The following KCNS3 variants were observed in gnomAD, a reference collection of about 807,000 sequenced individuals.
KCNS3 encodes the protein delayed-rectifier potassium channel regulatory subunit KCNS3.
KCNS3 carries 13 observed loss-of-function variants against 31.0 expected under a neutral mutation model. That is an observed-to-expected ratio of 0.42 (90% CI 0.27 to 0.67). The LOEUF (loss-of-function observed/expected upper bound fraction) is 0.67, where lower values mean the gene tolerates loss of function less well. Among genes scored for constraint, KCNS3 ranks in the 30% least tolerant of loss-of-function variants. The pLI is 0.25. For synonymous variants in KCNS3, 238 were observed against 241.5 expected (o/e 0.99, Z 0.13); for missense variants, 545 against 622.4 (o/e 0.88, Z 1.32).
intron 1 of KCNS3, among the ~76,000 whole-genome samples, chr2:17,912,928 A>G (rs1395121676): frequency 6.6e-6 from 1 of 152,232 alleles, no homozygotes; most frequent in Non-Finnish European, 1.5e-5. Flanking sequence ...GATTTGCCAT[A>G]TTAACTTAAG....
intron 1 of KCNS3, among the ~76,000 whole-genome samples, chr2:17,908,958 A>C (rs538630266): frequency 6.6e-6 from 1 of 152,176 alleles, no homozygotes; most frequent in Admixed American, 6.5e-5. Flanking sequence ...CAAACTCTGT[A>C]CTGGGAGAAC....
At chr2:17,889,693 T>C (rs983459521) in intron 1 of KCNS3, among the ~76,000 whole-genome samples, 3 of 152,170 alleles carry the variant, frequency 2.0e-5, no homozygotes, top group Admixed American at 2.0e-4. Flanking sequence ...ATCATGTGAT[T>C]TTTGTTTTTT....
At chr2:17,888,647 A>C (rs1240664569) in intron 1 of KCNS3, among the ~76,000 whole-genome samples, 80 of 130,662 alleles carry the variant, frequency 6.1e-4, no homozygotes, top group East Asian at 3.5e-3. Context: ...ATATATATAT[A>C]TATATATATA....
intron 1 of KCNS3, among the ~76,000 whole-genome samples, chr2:17,886,446 AT>A (rs960758664): frequency 6.6e-6 from 1 of 151,880 alleles, no homozygotes; most frequent in Non-Finnish European, 1.5e-5. Flanking sequence ...TCTTGGAAGT[AT>A]TTTTTTTGTG....
rs1334576008 is a variant in KCNS3, at chr2:17,931,742, C to G, written c.734C>G (p.Pro245Arg). ...GELAVRLAAA[P>R]CQKKFWKNPL... is the part of the protein sequence containing the mutation. Reference sequence around the variant, plus strand: ...CTTGCCGTCCGGCTGGCTGCCGCTCCTTGTCAAAAGAAATTCTGGAAAAAC... The same window carrying G: ...CTTGCCGTCCGGCTGGCTGCCGCTCGTTGTCAAAAGAAATTCTGGAAAAAC... The change falls in exon 3 of 3, where the codon CCT becomes CGT. Residue 245 changes from proline to arginine, a missense_variant. Pro to Arg is a moderately radical substitution (Grantham distance 103). Coordinates refer to ENST00000304101, the MANE Select transcript of KCNS3 (RefSeq NM_002252.5). This position sits in a 1 kb window ranked among gnomAD's most constrained non-coding sequence, Gnocchi z 5.4. 6.2e-7 allele frequency: 1 copy of G among 1,613,986 alleles called. No homozygotes were observed. The highest frequency in any genetic ancestry group is 8.5e-7 in the Non-Finnish European group (1 of 1,179,864).
At chr2:17,913,368 C>T (rs1464317107) in intron 1 of KCNS3, among the ~76,000 whole-genome samples, 3 of 152,254 alleles carry the variant, frequency 2.0e-5, no homozygotes, top group Non-Finnish European at 4.4e-5. Context: ...GCGTATTCAG[C>T]AGGCTGAATA....
At chr2:17,878,086 G>A (rs1674547632), upstream of KCNS3, 1 of 152,302 alleles carries the variant, frequency 6.6e-6, no homozygotes, top group South Asian at 2.1e-4. Flanking sequence ...GTTCTGCACT[G>A]TGCCTGAGTC....
chr2:17,888,141 T>G (rs1010867392), intron 1 of KCNS3, among the ~76,000 whole-genome samples: 2 of 152,232 alleles, frequency 1.3e-5, no homozygotes, highest in African/African-American at 4.8e-5. Flanking sequence ...GTCTGTTTAC[T>G]CTGCTGACTG....
At chr2:17,926,911 T>C (rs1322135217) in intron 2 of KCNS3, among the ~76,000 whole-genome samples, 2 of 152,264 alleles carry the variant, frequency 1.3e-5, no homozygotes, top group Non-Finnish European at 2.9e-5. Context: ...AATGGGTTTT[T>C]CTTTTCTATC....
At chr2:17,892,081 T>G (rs1661871243) in intron 1 of KCNS3, among the ~76,000 whole-genome samples, 1 of 152,204 alleles carries the variant, frequency 6.6e-6, no homozygotes, top group South Asian at 2.1e-4. Context: ...GGTTTGGTCA[T>G]GTAACATAAT....
At chr2:17,914,684 A>G (rs1485340758) in intron 1 of KCNS3, among the ~76,000 whole-genome samples, 1 of 152,206 alleles carries the variant, frequency 6.6e-6, no homozygotes, top group Admixed American at 6.5e-5. Flanking sequence ...ATGAAGATTG[A>G]TATTAGGACA....
At chr2:17,927,276 A>G (rs897079366) in intron 2 of KCNS3, among the ~76,000 whole-genome samples, 1 of 152,186 alleles carries the variant, frequency 6.6e-6, no homozygotes, top group Non-Finnish European at 1.5e-5. Context: ...TTTTGGCCAA[A>G]ACCACTCAAC....
intron 1 of KCNS3, among the ~76,000 whole-genome samples, chr2:17,899,255 A>G (rs1662106258): frequency 1.3e-5 from 2 of 152,076 alleles, no homozygotes; most frequent in Non-Finnish European, 2.9e-5. Context: ...AAAACAAAAC[A>G]AAAAAACCAC....
In KCNS3 at chr2:17,931,554, G is replaced by A. The variant is rs772419062; in HGVS notation, c.546G>A (p.Leu182=). The A allele has an allele frequency of 1.9e-6, 3 of 1,614,070 alleles. No homozygotes were observed. The highest frequency in any genetic ancestry group is 1.1e-5 in the South Asian group (1 of 91,074). ...WIRMENPAYC[L]SAKLIAISSL... ...GAATGGAGAATCCAGCGTACTGCCT[G>A]TCCGCTAAGCTTATCGCTATCTCCT... is the stretch of plus-strand genomic sequence containing the variant. The change falls in exon 3 of 3, where the codon CTG becomes CTA. Residue 182 remains leucine (L), a synonymous_variant. Coordinates refer to ENST00000304101, the MANE Select transcript of KCNS3 (RefSeq NM_002252.5). This position sits in a 1 kb window ranked among gnomAD's most constrained non-coding sequence, Gnocchi z 5.4.
chr2:17,902,024 T>C (rs1662188404), intron 1 of KCNS3, among the ~76,000 whole-genome samples: 1 of 152,088 alleles, frequency 6.6e-6, no homozygotes, highest in Admixed American at 6.6e-5. Context: ...TGACCCCAGA[T>C]TTAAGATTTG....
intron 1 of KCNS3, among the ~76,000 whole-genome samples, chr2:17,902,778 T>C (rs1379818615): frequency 1.3e-5 from 2 of 152,224 alleles, no homozygotes; most frequent in Admixed American, 1.3e-4. Flanking sequence ...CTTTTAGTAT[T>C]AGCCAGGTGG....
At chr2:17,885,510 C>T (rs562594094) in intron 1 of KCNS3, among the ~76,000 whole-genome samples, 103 of 152,252 alleles carry the variant, frequency 6.8e-4, no homozygotes, top group Middle Eastern at 6.8e-3. Context: ...CAAAATTTGC[C>T]GGATGGGCCA....
In KCNS3 at chr2:17,893,966, T is replaced by A. The variant is rs63587460; in HGVS notation, c.-252+15160T>A. On this transcript the variant is annotated intron_variant, in intron 1 of 2. Coordinates refer to ENST00000304101, the MANE Select transcript of KCNS3 (RefSeq NM_002252.5). ...TTTTTTTTTTTTTTTTTTTTTTTTT[T>A]AATATATCTATGTATGGGGGTTTGA... Among the ~76,000 whole-genome samples the A allele has an allele frequency of 7.6e-4, 104 of 136,562 alleles. 1 individual carries two copies. Among genetic ancestry groups the A allele is most frequent in the Non-Finnish European group, 1.3e-3 (79 of 62,306 alleles). The allele number at this position is 136,562 out of a possible 152,430, so 89.6% of individuals were successfully genotyped here.
chr2:17,885,540 G>A (rs1438975291), intron 1 of KCNS3, among the ~76,000 whole-genome samples: 2 of 152,164 alleles, frequency 1.3e-5, no homozygotes, highest in South Asian at 2.1e-4. Flanking sequence ...AAACCCAGGA[G>A]AGCCAACACT....
Sources: allele counts gnomAD v4.1 joint callset (sites outside exome capture counted in the v4.1 genomes callset), GRCh38; gene constraint gnomAD v4.1.1; non-coding constraint Gnocchi (gnomAD v3.1); transcripts MANE v1.5; gene names NCBI Gene and HGNC (gene_info 2026-07-23, HGNC 2026-07-21).